The following PRKAR1A variants were observed in gnomAD, a reference collection of about 807,000 sequenced individuals.
PRKAR1A encodes cAMP-dependent protein kinase type I-alpha regulatory subunit.
Under a neutral mutation model 52.0 loss-of-function variants are expected in PRKAR1A, and 3 were observed. The ratio of observed to expected loss-of-function variants is 0.06; its 90% CI spans 0.03 to 0.15. The LOEUF is 0.15. PRKAR1A is among the 10% of genes least tolerant of loss of function. The probability of loss-of-function intolerance (pLI) is 1.00; values close to 1 mark genes in which losing one functional copy is unlikely to be tolerated. For missense variants in PRKAR1A, 240 were observed against 477.4 expected, an observed-to-expected ratio of 0.50 and a Z score of 4.63; for synonymous variants, 188 against 168.4, an observed-to-expected ratio of 1.12 and a Z score of -0.90.
At chr17:68,433,803 C>CA in the PRKAR1A span, among the ~76,000 whole-genome samples, 1 of 88,790 alleles carries the variant, frequency 1.1e-5, no homozygotes, top group South Asian at 4.2e-4. Context: ...TTTTTTGAGA[C>CA]AGAGTCTCTC....
At chr17:68,521,698 T>A (rs970800024) in intron 2 of PRKAR1A, among the ~76,000 whole-genome samples, 1 of 152,252 alleles carries the variant, frequency 6.6e-6, no homozygotes, top group African/African-American at 2.4e-5. Context: ...TTCAAAGTTG[T>A]GCAGGTACAA....
rs571868970 is a variant in PRKAR1A at position 68,519,657 on chromosome 17, A to G, written c.178-3099A>G. ...GGGGGGTTGTGTTTCTGTTACCTTC[A>G]ACTACTCCATAAGAAATGTACCAAA... On this transcript the variant is annotated intron_variant, in intron 2 of 10. Transcript: ENST00000589228. Among the ~76,000 whole-genome samples the G allele has an allele frequency of 5.3e-5, 8 of 152,300 alleles. No homozygotes were observed. The South Asian group carries it at 1.7e-3, about 32-fold the overall frequency.
chr17:68,489,106 C>T, the PRKAR1A span, among the ~76,000 whole-genome samples: 782 of 143,416 alleles, frequency 5.5e-3, 15 homozygotes, highest in African/African-American at 0.02. Flanking sequence ...TTGAAGTTAT[C>T]GGTTAAAGAT....
the PRKAR1A span, among the ~76,000 whole-genome samples, chr17:68,415,929 C>T: frequency 3.9e-5 from 6 of 152,110 alleles, no homozygotes; most frequent in Admixed American, 6.6e-5. Flanking sequence ...ATGAGTCTCC[C>T]GAAGGCAGCA....
At chr17:68,539,915 C>A in intron 11 of PRKAR1A, 6 of 1,614,174 alleles carry the variant, frequency 3.7e-6, no homozygotes, top group Non-Finnish European at 5.1e-6. Context: ...AATAAGGAAC[C>A]CATCATCCCC....
At chr17:68,520,115 G>T (rs1190480910) in intron 2 of PRKAR1A, among the ~76,000 whole-genome samples, 1 of 152,160 alleles carries the variant, frequency 6.6e-6, no homozygotes, top group Non-Finnish European at 1.5e-5. Context: ...CCTATATAGG[G>T]CATGCTGTTC....
At chr17:68,438,027 T>C in the PRKAR1A span, among the ~76,000 whole-genome samples, 1 of 147,616 alleles carries the variant, frequency 6.8e-6, no homozygotes, top group Non-Finnish European at 1.5e-5. Flanking sequence ...TCTAAAAGTA[T>C]AAGAAAAAAC....
chr17:68,534,557 T>C (rs2086052563), downstream of PRKAR1A, among the ~76,000 whole-genome samples: 1 of 113,794 alleles, frequency 8.8e-6, no homozygotes, highest in Admixed American at 1.1e-4. Flanking sequence ...GTCTTTTTAG[T>C]GCCTTTTTTT....
chr17:68,470,485 T>A, the PRKAR1A span, among the ~76,000 whole-genome samples: 1 of 152,222 alleles, frequency 6.6e-6, no homozygotes, highest in Non-Finnish European at 1.5e-5. Flanking sequence ...AGATTGATAT[T>A]AGTGGAGAGG....
At chr17:68,535,437 G>T, downstream of PRKAR1A, 1 of 454,048 alleles carries the variant, frequency 2.2e-6, no homozygotes, top group Non-Finnish European at 4.4e-6. Context: ...GCTTTCCTGA[G>T]AGTCTTATTT....
At chr17:68,484,087 T>C in the PRKAR1A span, among the ~76,000 whole-genome samples, 7 of 152,338 alleles carry the variant, frequency 4.6e-5, no homozygotes, top group South Asian at 1.4e-3. Flanking sequence ...AATTTTGGAA[T>C]CAGCTTGTCA....
At chr17:68,534,615 T>C (rs2086055416), downstream of PRKAR1A, among the ~76,000 whole-genome samples, 1 of 150,842 alleles carries the variant, frequency 6.6e-6, no homozygotes, top group African/African-American at 2.4e-5. Context: ...GTGATTTCAC[T>C]ATTAAAAGCC....
chr17:68,425,850 G>T, the PRKAR1A span: 48 of 463,784 alleles, frequency 1.0e-4, no homozygotes, highest in African/African-American at 7.7e-4. Flanking sequence ...ATTAGTATTC[G>T]GTGACTCTAA....
chr17:68,458,880 G>C, the PRKAR1A span, among the ~76,000 whole-genome samples: 1 of 151,992 alleles, frequency 6.6e-6, no homozygotes, highest in South Asian at 2.1e-4. Context: ...AAGTAATTGC[G>C]GTTTTCCCCA....
the PRKAR1A span, among the ~76,000 whole-genome samples, chr17:68,431,258 T>A: frequency 6.6e-6 from 1 of 152,114 alleles, no homozygotes; most frequent in Non-Finnish European, 1.5e-5. Context: ...GAGAGGCGGA[T>A]GAGGTTCCTT....
chr17:68,495,979 CT>C, the PRKAR1A span, among the ~76,000 whole-genome samples: 3 of 6,626 alleles, frequency 4.5e-4, no homozygotes, highest in Non-Finnish European at 7.6e-4. Context: ...CTCCTCTCTC[CT>C]CTCCTCTCCT....
chr17:68,439,808 C>T, the PRKAR1A span, among the ~76,000 whole-genome samples: 5 of 152,090 alleles, frequency 3.3e-5, no homozygotes, highest in Admixed American at 2.0e-4. Context: ...TGAAGGCTAC[C>T]GTGATATAGA....
At chr17:68,461,059 A>T in the PRKAR1A span, among the ~76,000 whole-genome samples, 1 of 152,224 alleles carries the variant, frequency 6.6e-6, no homozygotes, top group African/African-American at 2.4e-5. This position sits in a 1 kb window ranked among gnomAD's most constrained non-coding sequence, Gnocchi z 4.6. Flanking sequence ...CAGCAATTTC[A>T]CTACTAAATA....
At chr17:68,540,017 T>C (rs777310810) in intron 11 of PRKAR1A, 1 of 1,531,468 alleles carries the variant, frequency 6.5e-7, no homozygotes, top group East Asian at 2.3e-5. Context: ...GGGGGACAGG[T>C]GCTCCTGACC....
Sources: gnomAD v4.1 joint callset for allele counts (sites outside exome capture counted in the v4.1 genomes callset) on GRCh38, gnomAD v4.1.1 for gene constraint, Gnocchi (gnomAD v3.1) non-coding constraint, MANE v1.5 for transcripts, NCBI Gene and HGNC (gene_info 2026-07-23, HGNC 2026-07-21) for gene names.